The following CAPN1 variants were observed in gnomAD, a reference collection of about 807,000 sequenced individuals.
CAPN1 encodes calpain 1.
A neutral mutation model predicts 105.2 loss-of-function variants in CAPN1; 77 were observed. The observed-to-expected ratio is 0.73, with a 90% CI of 0.61 to 0.88. CAPN1 has a LOEUF of 0.88. CAPN1 is among the 40% of genes least tolerant of loss of function. CAPN1 has a pLI of 0.00. For missense variants in CAPN1, 833 were observed against 976.6 expected (o/e 0.85, Z 1.96); for synonymous variants, 355 against 388.8 (o/e 0.91, Z 1.02).
rs932330665 is a variant in CAPN1, at chr11:65,204,844, T to C, written c.1327T>C (p.Phe443Leu). The C allele has an allele frequency of 2.5e-6, 4 of 1,608,678 alleles. No individual in the cohort carries two copies. Among genetic ancestry groups the C allele is most frequent in the South Asian group, 2.2e-5 (2 of 91,014 alleles). Reference protein sequence around the residue: ...RFGRDMETIGFAVYEVPPELV... With the variant: ...RFGRDMETIGLAVYEVPPELV... ...CGGCCGCGACATGGAGACTATTGGC[T>C]TCGCGGTCTACGAGGTCAGGAGGGT... Residue 443 changes from phenylalanine to leucine, a missense_variant, in exon 11 of 22, where the codon TTC becomes CTC. Phe to Leu is a conservative substitution (Grantham distance 22). Transcript: ENST00000279247.
chr11:65,189,092 T>G (rs1309902641), intron 10 of CAPN1, among the ~76,000 whole-genome samples: 3 of 151,976 alleles, frequency 2.0e-5, no homozygotes, highest in Non-Finnish European at 4.4e-5. Flanking sequence ...AGCGTGGCCT[T>G]GGCTGACTAC....
At position 65,183,060 on chromosome 11, in the gene CAPN1, T is replaced by A; in HGVS notation, c.268-68T>A. On this transcript the variant is annotated intron_variant, in intron 2 of 21. Coordinates refer to ENST00000279247, the MANE Select transcript of CAPN1 (RefSeq NM_005186.4). ...TCCATGTCCCTGGTGGGGAATGGGG[T>A]CTGGGGTGGCCTGGTGCCAATTTCT... is the stretch of plus-strand genomic sequence containing the variant. The A allele has an allele frequency of 3.7e-6, 6 of 1,609,284 alleles. No individual in the cohort carries two copies. The South Asian group carries it at 5.5e-5, about 15-fold the overall frequency.
At chr11:65,183,043 C>G (rs1948568428) in intron 2 of CAPN1, 75 bp downstream of exon 2, 1 of 1,608,910 alleles carries the variant, frequency 6.2e-7, no homozygotes, top group Non-Finnish European at 8.5e-7. Flanking sequence ...ACTCCATGTC[C>G]CTGGTGGGGA....
chr11:65,196,059 G>A (rs961260516), intron 10 of CAPN1, among the ~76,000 whole-genome samples: 1 of 151,632 alleles, frequency 6.6e-6, no homozygotes, highest in Non-Finnish European at 1.5e-5. Context: ...TTTTTGTTAG[G>A]CTGGTAGTGA....
chr11:65,191,349 A>G (rs574528244), intron 10 of CAPN1, among the ~76,000 whole-genome samples: 1 of 152,226 alleles, frequency 6.6e-6, no homozygotes, highest in Non-Finnish European at 1.5e-5. Flanking sequence ...ATACGATAAC[A>G]TGCATTTGAC....
At chr11:65,192,851 C>G (rs1421986207) in intron 10 of CAPN1, among the ~76,000 whole-genome samples, 1 of 152,060 alleles carries the variant, frequency 6.6e-6, no homozygotes, top group Admixed American at 6.6e-5. Context: ...AAGTGATCCT[C>G]CCACCTTGGC....
intron 10 of CAPN1, among the ~76,000 whole-genome samples, chr11:65,193,375 T>C (rs1403344163): frequency 6.6e-6 from 1 of 152,070 alleles, no homozygotes; most frequent in Non-Finnish European, 1.5e-5. Context: ...TTATTAATCC[T>C]GCAAGAAGTT....
upstream of CAPN1, chr11:65,181,486 G>A (rs1948527738): frequency 1.1e-5 from 3 of 261,772 alleles, no homozygotes; most frequent in African/African-American, 4.7e-5. The surrounding 1 kb of genome is among the most constrained non-coding windows in gnomAD (Gnocchi z 4.6). Flanking sequence ...GGGGAGCTGG[G>A]GACCGGGCGG....
chr11:65,193,059 C>A (rs1590855200), intron 10 of CAPN1, among the ~76,000 whole-genome samples: 1 of 150,904 alleles, frequency 6.6e-6, no homozygotes, highest in Non-Finnish European at 1.5e-5. Context: ...CAGCTTACTG[C>A]AAGCTCTGCC....
At chr11:65,189,022 G>A (rs1229783499) in intron 10 of CAPN1, among the ~76,000 whole-genome samples, 3 of 151,910 alleles carry the variant, frequency 2.0e-5, no homozygotes, top group South Asian at 4.2e-4. Flanking sequence ...CTTCCCTCCT[G>A]CCTTCGCTTT....
intron 10 of CAPN1, among the ~76,000 whole-genome samples, chr11:65,202,232 T>A (rs1948882628): frequency 6.6e-6 from 1 of 152,066 alleles, no homozygotes; most frequent in Non-Finnish European, 1.5e-5. Context: ...ATCATCTGCT[T>A]CTATACCCTG....
At chr11:65,198,489 T>C (rs540514462) in intron 10 of CAPN1, among the ~76,000 whole-genome samples, 1 of 152,238 alleles carries the variant, frequency 6.6e-6, no homozygotes, top group South Asian at 2.1e-4. Context: ...GCATAAACCT[T>C]AGAAATTCAG....
Position 65,210,173 on chromosome 11 carries a change from C to CAAGGG in CAPN1, c.1942+77_1942+78insAAGGG. The CAAGGG allele has an allele frequency of 7.7e-7, 1 of 1,300,230 alleles. No homozygotes were observed. The highest frequency in any genetic ancestry group is 1.1e-6 in the Non-Finnish European group (1 of 898,812). 80.5% of individuals were successfully genotyped at this position (1,300,230 alleles called of 1,614,324 possible). A position where few individuals can be genotyped will look rare whatever the true frequency, so the allele number is the denominator to read the frequency against. On this transcript the variant is annotated intron_variant, in intron 19 of 21. Coordinates refer to ENST00000279247, the MANE Select transcript of CAPN1 (RefSeq NM_005186.4). The surrounding 1 kb of genome is among the most constrained non-coding windows in gnomAD (Gnocchi z 4.3). Reference sequence around the variant, plus strand: ...CTGCTCCTATGCCCCAGGCCCTTGTCCCTGGGGTGCTAGTGGTGACATGGT... The same window carrying CAAGGG: ...CTGCTCCTATGCCCCAGGCCCTTGTCAAGGGCCTGGGGTGCTAGTGGTGACATGGT...
rs1389264823 is a variant in CAPN1, at chr11:65,206,503, T to A, written c.1394T>A (p.Phe465Tyr). 6.2e-7 allele frequency: 1 copy of A among 1,613,278 alleles called. No homozygotes were observed. Among genetic ancestry groups the A allele is most frequent in the African/African-American group, 1.3e-5 (1 of 74,908 alleles). ...GCCGTACACTTGAAGCGTGACTTCTTCCTGGCCAATGCGTCTCGGGCGCGC... is the reference window on the plus strand; with the variant it reads ...GCCGTACACTTGAAGCGTGACTTCTACCTGGCCAATGCGTCTCGGGCGCGC... ...QPAVHLKRDF[F>Y]LANASRARSE... Residue 465 changes from phenylalanine to tyrosine, a missense_variant, in exon 13 of 22, where the codon TTC (phenylalanine) becomes TAC (tyrosine). Coordinates refer to ENST00000279247, the MANE Select transcript of CAPN1 (RefSeq NM_005186.4).
chr11:65,203,522 GC>G (rs1325077243), intron 10 of CAPN1: 1 of 152,272 alleles, frequency 6.6e-6, no homozygotes, highest in East Asian at 1.9e-4. Context: ...ACCATGCCCA[GC>G]TAATTTTTGT....
At chr11:65,191,183 A>G (rs564578078) in intron 10 of CAPN1, among the ~76,000 whole-genome samples, 1 of 152,272 alleles carries the variant, frequency 6.6e-6, no homozygotes, top group Non-Finnish European at 1.5e-5. Context: ...CTCTTCATTT[A>G]TTTTGGCCTT....
rs1164489573 is a variant in CAPN1, at chr11:65,183,666, G to A, written c.456+74G>A. The A allele has an allele frequency of 6.9e-6, 7 of 1,011,024 alleles. No homozygotes were observed. In the Admixed American group the frequency reaches 1.1e-4, roughly 16 times the overall value. The allele number at this position is 1,011,024 out of a possible 1,614,324, so 62.6% of individuals were successfully genotyped here. ...GGAAGGATGACCCACAATACCTGCA[G>A]TTAGGGCCACACCCTGTGGGGCCAG... On this transcript the variant is annotated intron_variant, in intron 4 of 21. Transcript: ENST00000279247.
In CAPN1 at chr11:65,183,527, C is replaced by T. The variant is rs779766601; in HGVS notation, c.391C>T (p.Leu131=). The change falls in exon 4 of 22, where the codon CTG becomes TTG. Residue 131 remains leucine (L), a synonymous_variant. Coordinates refer to ENST00000279247, the MANE Select transcript of CAPN1 (RefSeq NM_005186.4). ...IASLTLNDTL[L]HRVVPHGQSF... is the part of the protein sequence containing the mutation. Reference sequence around the variant, plus strand: ...CTCCCTCACTCTCAACGACACCCTCCTGCACCGAGTGGTTCCGCACGGCCA... The same window carrying T: ...CTCCCTCACTCTCAACGACACCCTCTTGCACCGAGTGGTTCCGCACGGCCA... 5 of 1,613,962 alleles carry T rather than the reference C, an allele frequency of 3.1e-6. No individual in the cohort carries two copies. The Admixed American group carries it at 5.0e-5, about 16-fold the overall frequency.
In CAPN1 at chr11:65,208,422, C is replaced by A. The variant is rs929265689; in HGVS notation, c.1729+160C>A. 7.2e-6 allele frequency: 5 copies of A among 695,212 alleles called. No homozygotes were observed. The highest frequency in any genetic ancestry group is 7.0e-5 in the African/African-American group (4 of 56,872). 43.1% of individuals were successfully genotyped at this position (695,212 alleles called of 1,614,324 possible). On this transcript the variant is annotated intron_variant, in intron 16 of 21. Transcript: ENST00000279247. The surrounding 1 kb of genome is among the most constrained non-coding windows in gnomAD (Gnocchi z 4.1). ...AGTTCCCTGCCATTTCCATCCCATACTCCTCCTCCTGACCTGCCATCCTGA... is the reference window on the plus strand; with the variant it reads ...AGTTCCCTGCCATTTCCATCCCATAATCCTCCTCCTGACCTGCCATCCTGA...
Sources: gnomAD v4.1 joint callset for allele counts (sites outside exome capture counted in the v4.1 genomes callset) on GRCh38, gnomAD v4.1.1 for gene constraint, Gnocchi (gnomAD v3.1) non-coding constraint, MANE v1.5 for transcripts, NCBI Gene and HGNC (gene_info 2026-07-23, HGNC 2026-07-21) for gene names.